The following GLIS3 variants were observed in gnomAD, a reference collection of about 807,000 sequenced individuals.
GLIS3 encodes GLIS family zinc finger 3.
GLIS3 carries 53 observed loss-of-function variants against 78.6 expected under a neutral mutation model. The observed-to-expected ratio is 0.67, with a 90% CI of 0.54 to 0.85. The LOEUF (loss-of-function observed/expected upper bound fraction) is 0.85. Among genes scored for constraint, GLIS3 ranks in the 40% least tolerant of loss-of-function variants. The pLI is 0.00. For synonymous variants in GLIS3, 684 were observed against 509.9 expected, an observed-to-expected ratio of 1.34 and a Z score of -4.60; for missense variants, 1,703 against 1,231.1, an observed-to-expected ratio of 1.38 and a Z score of -5.74.
intron 4 of GLIS3, among the ~76,000 whole-genome samples, chr9:4,050,433 A>T (rs1449518932): frequency 6.6e-6 from 1 of 151,036 alleles, no homozygotes; most frequent in African/African-American, 2.4e-5. Flanking sequence ...AACATCACAC[A>T]CCAGGGCCTG....
intron 4 of GLIS3, among the ~76,000 whole-genome samples, chr9:4,043,790 CA>C (rs771454968): frequency 1.3e-5 from 2 of 152,176 alleles, no homozygotes; most frequent in Non-Finnish European, 2.9e-5. Context: ...CTGAGTAACA[CA>C]AAAGAGAGAA....
At chr9:4,196,616 G>A (rs1168658285) in intron 2 of GLIS3, among the ~76,000 whole-genome samples, 6 of 152,126 alleles carry the variant, frequency 3.9e-5, no homozygotes, top group African/African-American at 1.4e-4. Flanking sequence ...GCAAAGGTAT[G>A]CAGCTTCACT....
intron 4 of GLIS3, chr9:4,305,435 C>A (rs964242938): frequency 1.3e-5 from 2 of 152,218 alleles, no homozygotes; most frequent in African/African-American, 4.8e-5. Context: ...CGTGTGAAAC[C>A]AGGGGCATCC....
chr9:4,352,705 G>C (rs903110913), upstream of GLIS3, among the ~76,000 whole-genome samples: 2 of 152,246 alleles, frequency 1.3e-5, no homozygotes, highest in Admixed American at 6.5e-5. Flanking sequence ...TGTGGCCATG[G>C]GCAGTTCAGC....
intron 4 of GLIS3, among the ~76,000 whole-genome samples, chr9:4,024,366 T>A (rs1383022905): frequency 6.6e-6 from 1 of 152,228 alleles, no homozygotes; most frequent in African/African-American, 2.4e-5. Context: ...TGATAATGAC[T>A]GTGTGGATAG....
At chr9:4,200,387 A>AT (rs1327152862) in intron 2 of GLIS3, among the ~76,000 whole-genome samples, 4 of 152,160 alleles carry the variant, frequency 2.6e-5, no homozygotes, top group Non-Finnish European at 4.4e-5. Flanking sequence ...GAGAGAATAA[A>AT]TCAGATTGGT....
At chr9:3,838,400 T>G (rs1312041976) in intron 9 of GLIS3, among the ~76,000 whole-genome samples, 1 of 152,206 alleles carries the variant, frequency 6.6e-6, no homozygotes, top group Non-Finnish European at 1.5e-5. Flanking sequence ...ACCCACACTT[T>G]CTTCCTGCTG....
intron 2 of GLIS3, among the ~76,000 whole-genome samples, chr9:4,276,128 A>G (rs1335740033): frequency 6.6e-6 from 1 of 151,120 alleles, no homozygotes; most frequent in Non-Finnish European, 1.5e-5. Context: ...TACAAAAGAA[A>G]TACAGAAATT....
At chr9:4,400,112 T>C in the GLIS3 span, among the ~76,000 whole-genome samples, 2 of 152,222 alleles carry the variant, frequency 1.3e-5, no homozygotes, top group South Asian at 4.1e-4. Flanking sequence ...GGAGTATCAT[T>C]GGTGTTTTCA....
chr9:4,407,082 G>C, the GLIS3 span, among the ~76,000 whole-genome samples: 1 of 152,108 alleles, frequency 6.6e-6, no homozygotes, highest in Non-Finnish European at 1.5e-5. Flanking sequence ...CATGGTAATG[G>C]TATAAAAATA....
the GLIS3 span, among the ~76,000 whole-genome samples, chr9:4,463,672 A>C: frequency 6.6e-6 from 1 of 152,330 alleles, no homozygotes; most frequent in Non-Finnish European, 1.5e-5. Flanking sequence ...AAAGTGAAAA[A>C]AATATTGGGG....
chr9:4,186,470 T>C (rs1013386908), intron 2 of GLIS3, among the ~76,000 whole-genome samples: 11 of 151,998 alleles, frequency 7.2e-5, no homozygotes, highest in Non-Finnish European at 1.3e-4. Flanking sequence ...TGTGTGCATG[T>C]GTCTTTATAG....
chr9:4,257,664 C>T (rs1418822639), intron 2 of GLIS3, among the ~76,000 whole-genome samples: 1 of 151,934 alleles, frequency 6.6e-6, no homozygotes, highest in Non-Finnish European at 1.5e-5. Context: ...AGCTCCGCCT[C>T]CCGGGTTCAG....
At chr9:4,310,140 A>G (rs990127979) in intron 3 of GLIS3, among the ~76,000 whole-genome samples, 20 of 152,166 alleles carry the variant, frequency 1.3e-4, no homozygotes, top group African/African-American at 4.3e-4. Context: ...TTCACATTAC[A>G]CAGGGCCAAC....
At chr9:3,947,648 G>T (rs1816391817) in intron 4 of GLIS3, among the ~76,000 whole-genome samples, 1 of 152,224 alleles carries the variant, frequency 6.6e-6, no homozygotes, top group African/African-American at 2.4e-5. Context: ...CCATAAATTG[G>T]CCCACACTGA....
chr9:4,356,706 C>T, the GLIS3 span, among the ~76,000 whole-genome samples: 37 of 152,242 alleles, frequency 2.4e-4, no homozygotes, highest in Admixed American at 1.5e-3. Flanking sequence ...TAAATGAAAT[C>T]GCATGACTAT....
chr9:4,047,716 A>C (rs1434265261), intron 4 of GLIS3, among the ~76,000 whole-genome samples: 1 of 152,192 alleles, frequency 6.6e-6, no homozygotes, highest in East Asian at 1.9e-4. Context: ...GAGTCGGCTC[A>C]GTGTGCTACC....
At chr9:4,302,521 G>A (rs1029423004), upstream of GLIS3, among the ~76,000 whole-genome samples, 6 of 152,210 alleles carry the variant, frequency 3.9e-5, no homozygotes, top group African/African-American at 1.4e-4. Context: ...TGTCTTAGTT[G>A]TAGCAAACCC....
Position 4,286,320 on chromosome 9 carries a change from CG to C in GLIS3, c.105del (p.Thr37LeufsTer48). On this transcript the variant is annotated frameshift_variant, in exon 2 of 11. Coordinates refer to ENST00000381971, the MANE Select transcript of GLIS3 (RefSeq NM_001042413.2). LOFTEE classifies it high-confidence loss of function. ...GHHIPAIRAHSGTPGPSPCGS... is the reference protein window; with the variant it reads ...GHHIPAIRAHXGTPGPSPCGS... ...CCACAGGGCGAGGGGCCAGGAGTCC[CG>C]GAGTGGGCTCGGATGGCAGGAATGT... is the stretch of plus-strand genomic sequence containing the variant. The C allele has an allele frequency of 6.2e-7, 1 of 1,613,136 alleles. No homozygotes were observed. Among genetic ancestry groups the C allele is most frequent in the Non-Finnish European group, 8.5e-7 (1 of 1,179,452 alleles).
Sources: gnomAD v4.1 joint callset for allele counts (sites outside exome capture counted in the v4.1 genomes callset) on GRCh38, gnomAD v4.1.1 for gene constraint, MANE v1.5 for transcripts, NCBI Gene and HGNC (gene_info 2026-07-23, HGNC 2026-07-21) for gene names.